SLC41A1: variants seen among roughly 807,000 people sequenced by gnomAD.
SLC41A1 encodes the protein solute carrier family 41 (magnesium transporter), member 1.
A neutral mutation model predicts 47.3 loss-of-function variants in SLC41A1; 20 were observed. That is an observed-to-expected ratio of 0.42 (90% confidence interval 0.30 to 0.61). The LOEUF is 0.61. SLC41A1 is among the 20% of genes least tolerant of loss of function. The pLI, the probability that SLC41A1 is intolerant of heterozygous loss-of-function variation, is 0.17. For synonymous variants in SLC41A1, 282 were observed against 272.7 expected (o/e 1.03, Z -0.34); for missense variants, 504 against 674.1 (o/e 0.75, Z 2.79).
intron 9 of SLC41A1, 119 bp downstream of exon 9, chr1:205,795,225 G>C: frequency 6.5e-7 from 1 of 1,535,166 alleles, no homozygotes; most frequent in Non-Finnish European, 8.9e-7. Flanking sequence ...AGAACAGCTG[G>C]CACAGCCCAG....
intron 6 of SLC41A1, among the ~76,000 whole-genome samples, chr1:205,798,306 G>C (rs571301751): frequency 6.6e-6 from 1 of 152,172 alleles, no homozygotes; most frequent in African/African-American, 2.4e-5. Context: ...CCAGAGGACA[G>C]AGACTCTAGG....
chr1:205,807,189 G>A (rs1422371115), intron 2 of SLC41A1, among the ~76,000 whole-genome samples: 1 of 152,146 alleles, frequency 6.6e-6, no homozygotes, highest in Non-Finnish European at 1.5e-5. Context: ...CCATGGATGT[G>A]GAATAACAAT....
At position 205,790,558 on chromosome 1, in the gene SLC41A1, C is replaced by T. The variant is rs1655601909; in HGVS notation, c.*975G>A. ...TCCAAGGTGACCAAGTGATTATGTC[C>T]TCAGGAGAAATGGCAGCAATGAGAC... On this transcript the variant is annotated 3_prime_UTR_variant, in exon 11 of 11. Coordinates refer to ENST00000367137, the MANE Select transcript of SLC41A1 (RefSeq NM_173854.6). 6.6e-6 allele frequency: 1 copy of T among 152,188 alleles called. No homozygotes were observed. Among genetic ancestry groups the T allele is most frequent in the South Asian group, 2.1e-4 (1 of 4,828 alleles). The allele number at this position is 152,188 out of a possible 1,614,324, so 9.4% of individuals were successfully genotyped here. A position where few individuals can be genotyped will look rare whatever the true frequency, so the allele number is the denominator to read the frequency against.
chr1:205,805,397 G>A (rs1048503212), intron 2 of SLC41A1, among the ~76,000 whole-genome samples: 1 of 152,188 alleles, frequency 6.6e-6, no homozygotes, highest in South Asian at 2.1e-4. Context: ...CTTAAGGTTA[G>A]GAGTAGACAG....
At chr1:205,809,559 C>T (rs1296846027) in intron 2 of SLC41A1, among the ~76,000 whole-genome samples, 1 of 152,210 alleles carries the variant, frequency 6.6e-6, no homozygotes, top group East Asian at 1.9e-4. Flanking sequence ...AGATAAGCAA[C>T]ACAAAATGCC....
intron 2 of SLC41A1, among the ~76,000 whole-genome samples, chr1:205,805,686 C>T (rs980470147): frequency 6.6e-6 from 1 of 152,180 alleles, no homozygotes; most frequent in African/African-American, 2.4e-5. Flanking sequence ...GCTCATGGAT[C>T]CCTGGTATTC....
chr1:205,794,770 A>G lies in SLC41A1; in HGVS notation c.1356+100T>C, dbSNP rs1346746742. The G allele has an allele frequency of 7.4e-6, 11 of 1,486,712 alleles. No individual in the cohort carries two copies. In the African/African-American group the frequency reaches 9.7e-5, roughly 13 times the overall value. The allele number at this position is 1,486,712 out of a possible 1,614,324, so 92.1% of individuals were successfully genotyped here. Reference sequence around the variant, plus strand: ...TTATCAGCTGCCCTGACACAGAGAAAGAGGAGGTTGAGTGTCTAAGAGGCC... The same window carrying G: ...TTATCAGCTGCCCTGACACAGAGAAGGAGGAGGTTGAGTGTCTAAGAGGCC... On this transcript the variant is annotated intron_variant, in intron 10 of 10. Coordinates refer to ENST00000367137, the MANE Select transcript of SLC41A1 (RefSeq NM_173854.6).
At chr1:205,796,829 C>T (rs575172821) in intron 8 of SLC41A1, 95 bp downstream of exon 8, 4 of 1,253,722 alleles carry the variant, frequency 3.2e-6, no homozygotes, top group Admixed American at 2.0e-5. Flanking sequence ...CTGCTGGAAC[C>T]CTGACTGATA....
intron 10 of SLC41A1, among the ~76,000 whole-genome samples, chr1:205,794,495 T>C (rs1244296796): frequency 1.3e-5 from 2 of 152,122 alleles, no homozygotes; most frequent in Admixed American, 1.3e-4. Flanking sequence ...GCAAATGAAT[T>C]TCTTGAGAAA....
intron 2 of SLC41A1, among the ~76,000 whole-genome samples, chr1:205,807,648 GTCT>G (rs1222300052): frequency 1.5e-4 from 15 of 100,124 alleles, no homozygotes; most frequent in African/African-American, 4.0e-4. Flanking sequence ...TCCTCGTAGA[GTCT>G]TTTTTTTTTT....
At chr1:205,794,156 A>ACG (rs1655688253) in intron 10 of SLC41A1, among the ~76,000 whole-genome samples, 1 of 79,782 alleles carries the variant, frequency 1.3e-5, no homozygotes, top group South Asian at 4.6e-4. Flanking sequence ...GCACACACAC[A>ACG]CACGAGTGCA....
intron 4 of SLC41A1, 77 bp downstream of exon 4, chr1:205,799,682 G>T: frequency 6.7e-7 from 1 of 1,489,662 alleles, no homozygotes; most frequent in East Asian, 2.3e-5. Flanking sequence ...GGAGCCTGCT[G>T]GGGCTGACCT....
intron 2 of SLC41A1, 162 bp from the exon 3 acceptor site, chr1:205,801,222 C>T (rs569995366): frequency 3.2e-6 from 2 of 631,610 alleles, no homozygotes; most frequent in Admixed American, 2.3e-5. Flanking sequence ...CAAACCAAGC[C>T]CATGATTCTT....
At chr1:205,812,630 C>A in intron 1 of SLC41A1, 178 bp downstream of exon 1, 1 of 474,446 alleles carries the variant, frequency 2.1e-6, no homozygotes, top group Non-Finnish European at 2.8e-6. Context: ...GCCCTATCCC[C>A]TCCTCCCAGG....
chr1:205,794,930 G>A lies in SLC41A1; in HGVS notation c.1296C>T (p.Gly432=), dbSNP rs543657424. 1.1e-5 allele frequency: 17 copies of A among 1,614,036 alleles called. No individual in the cohort carries two copies. The highest frequency in any genetic ancestry group is 6.7e-5 in the African/African-American group (5 of 75,002). The change falls in exon 10 of 11, where the codon GGC becomes GGT. Residue 432 remains glycine (G), a synonymous_variant. Coordinates refer to ENST00000367137, the MANE Select transcript of SLC41A1 (RefSeq NM_173854.6). ...AGATGAGTGTGAGGGTGGTGTGCCC[G>A]CCCTGCATACAGCTGATGGTGTAGA... ...VFLYTISCMQ[G]GHTTLTLIFI...
In SLC41A1 at chr1:205,810,905, C is replaced by G. The variant is rs565973323; in HGVS notation, c.-464G>C. ...AGAACACAGTGCCAGCCTGGGGCTG[C>G]GGCTCCTTCCCGCTCCTTTGGCTGG... is the stretch of plus-strand genomic sequence containing the variant. On this transcript the variant is annotated 5_prime_UTR_variant, in exon 2 of 11. Coordinates refer to ENST00000367137, the MANE Select transcript of SLC41A1 (RefSeq NM_173854.6). The surrounding 1 kb of genome is among the most constrained non-coding windows in gnomAD (Gnocchi z 5.5). 5.4e-6 allele frequency: 1 copy of G among 185,064 alleles called. No homozygotes were observed. The highest frequency in any genetic ancestry group is 2.4e-5 in the African/African-American group (1 of 42,158). The allele number at this position is 185,064 out of a possible 1,614,324, so 11.5% of individuals were successfully genotyped here.
At chr1:205,794,442 G>C (rs1227019751) in intron 10 of SLC41A1, among the ~76,000 whole-genome samples, 1 of 152,162 alleles carries the variant, frequency 6.6e-6, no homozygotes, top group Non-Finnish European at 1.5e-5. Flanking sequence ...AGATTATCTA[G>C]TGCAGTGGTT....
intron 8 of SLC41A1, chr1:205,796,187 G>GT (rs1384926785): frequency 6.2e-6 from 1 of 160,038 alleles, no homozygotes; most frequent in African/African-American, 2.4e-5. Flanking sequence ...GAGAGATCAG[G>GT]TATTTCTTTC....
rs994683985 is a variant in SLC41A1, at chr1:205,791,436, A to T, written c.*97T>A. On this transcript the variant is annotated 3_prime_UTR_variant, in exon 11 of 11. Transcript: ENST00000367137. This position sits in a 1 kb window ranked among gnomAD's most constrained non-coding sequence, Gnocchi z 4.0. The stretch of plus-strand genomic sequence containing the variant: ...TTTGGTATCAAAGTGAAGTCCTAGA[A>T]AGAGGTGGGAGTGTGGGGTGGAGGA... The T allele has an allele frequency of 3.5e-6, 5 of 1,416,456 alleles. No homozygotes were observed. Among genetic ancestry groups the T allele is most frequent in the African/African-American group, 2.8e-5 (2 of 70,978 alleles). 87.7% of individuals were successfully genotyped at this position (1,416,456 alleles called of 1,614,324 possible). A position where few individuals can be genotyped will look rare whatever the true frequency, so the allele number is the denominator to read the frequency against.
Sources: allele counts gnomAD v4.1 joint callset (sites outside exome capture counted in the v4.1 genomes callset), GRCh38; gene constraint gnomAD v4.1.1; non-coding constraint Gnocchi (gnomAD v3.1); transcripts MANE v1.5; gene names NCBI Gene and HGNC (gene_info 2026-07-23, HGNC 2026-07-21).